Variants in GALNT13 observed in about 807,000 individuals in gnomAD.
The protein encoded by GALNT13 is UDP-GalNAc:polypeptide N-acetylgalactosaminyltransferase 13.
GALNT13 carries 28 observed loss-of-function variants against 64.2 expected under a neutral mutation model. The ratio of observed to expected loss-of-function variants is 0.44; its 90% CI spans 0.32 to 0.60. The LOEUF is 0.60. GALNT13 is among the 20% of genes least tolerant of loss of function. GALNT13 has a pLI of 0.05. For missense variants in GALNT13, 577 were observed against 669.8 expected (o/e 0.86, Z 1.53); for synonymous variants, 214 against 224.6 (o/e 0.95, Z 0.42).
the GALNT13 span, among the ~76,000 whole-genome samples, chr2:153,341,742 T>C: frequency 3.9e-5 from 6 of 152,186 alleles, no homozygotes; most frequent in East Asian, 1.9e-4. Flanking sequence ...TGTGCTATAA[T>C]ACTGACAGGA....
chr2:153,904,249 G>C (rs1298294876), intron 2 of GALNT13, among the ~76,000 whole-genome samples: 1 of 151,664 alleles, frequency 6.6e-6, no homozygotes, highest in Non-Finnish European at 1.5e-5. Flanking sequence ...GCTCTTTCTA[G>C]GTTTGGGCCA....
chr2:153,083,964 A>G, the GALNT13 span, among the ~76,000 whole-genome samples: 3 of 152,162 alleles, frequency 2.0e-5, no homozygotes, highest in Non-Finnish European at 4.4e-5. Context: ...TGGCTTGCCA[A>G]TTATCCCAGC....
chr2:154,371,842 C>A (rs1479152821), intron 9 of GALNT13, among the ~76,000 whole-genome samples: 1 of 150,038 alleles, frequency 6.7e-6, no homozygotes, highest in Non-Finnish European at 1.5e-5. Flanking sequence ...GGAGGTAAGT[C>A]AACATACACA....
Position 154,134,343 on chromosome 2 carries a change from G to A in GALNT13, c.143-5994G>A, listed in dbSNP as rs1364536. On this transcript the variant is annotated intron_variant, in intron 3 of 12. Transcript: ENST00000392825. The stretch of plus-strand genomic sequence containing the variant: ...TGAACAAGGATTATTTGAGTGATCA[G>A]AGGTTGAAGGAACTTTCTGGCAAAA... Among the ~76,000 whole-genome samples the A allele has an allele frequency of 7.8e-3, 1,189 of 152,300 alleles. 11 individuals are homozygous for A. The highest frequency in any genetic ancestry group is 0.026 in the African/African-American group (1,100 of 41,572).
At chr2:153,916,573 G>GT (rs1437538270) in intron 2 of GALNT13, among the ~76,000 whole-genome samples, 1 of 152,016 alleles carries the variant, frequency 6.6e-6, no homozygotes. Flanking sequence ...CTTGAGCAAG[G>GT]TTTTTATTTG....
chr2:153,866,429 T>A, the GALNT13 span, among the ~76,000 whole-genome samples: 2 of 151,876 alleles, frequency 1.3e-5, no homozygotes, highest in African/African-American at 2.4e-5. Flanking sequence ...AATAAATCTA[T>A]TTTTTTTGCT....
intron 2 of GALNT13, among the ~76,000 whole-genome samples, chr2:153,909,076 T>A (rs1259853901): frequency 1.3e-5 from 2 of 152,074 alleles, no homozygotes; most frequent in Non-Finnish European, 2.9e-5. Context: ...CTCTGATTGC[T>A]TTGAGCAGTG....
chr2:153,382,768 T>C, the GALNT13 span, among the ~76,000 whole-genome samples: 1 of 152,132 alleles, frequency 6.6e-6, no homozygotes, highest in Admixed American at 6.6e-5. Flanking sequence ...GTATTTAAAC[T>C]GTTATATAAA....
At chr2:153,282,825 C>A in the GALNT13 span, among the ~76,000 whole-genome samples, 5 of 152,032 alleles carry the variant, frequency 3.3e-5, no homozygotes, top group African/African-American at 1.2e-4. Flanking sequence ...TTTTCTTTTT[C>A]TGTAGTATTA....
At chr2:153,977,329 A>T (rs779527066) in intron 3 of GALNT13, among the ~76,000 whole-genome samples, 1 of 152,208 alleles carries the variant, frequency 6.6e-6, no homozygotes, top group Non-Finnish European at 1.5e-5. Flanking sequence ...TGGACAATTT[A>T]TAAAGGAAAG....
chr2:153,525,379 A>G, the GALNT13 span, among the ~76,000 whole-genome samples: 1 of 152,102 alleles, frequency 6.6e-6, no homozygotes, highest in African/African-American at 2.4e-5. Flanking sequence ...GGAAAAATAA[A>G]GGGGACTTTG....
the GALNT13 span, among the ~76,000 whole-genome samples, chr2:153,232,753 A>G: frequency 2.6e-5 from 4 of 152,102 alleles, no homozygotes; most frequent in African/African-American, 7.2e-5. Flanking sequence ...CCAACAGTAC[A>G]TTGTCTTTCT....
intron 8 of GALNT13, among the ~76,000 whole-genome samples, chr2:154,289,731 C>A (rs1215631992): frequency 6.6e-6 from 1 of 152,162 alleles, no homozygotes; most frequent in Non-Finnish European, 1.5e-5. Flanking sequence ...ATGCTATTGC[C>A]TTGAGAGAGT....
the GALNT13 span, among the ~76,000 whole-genome samples, chr2:153,531,583 C>T: frequency 6.6e-6 from 1 of 152,174 alleles, no homozygotes; most frequent in Non-Finnish European, 1.5e-5. Context: ...AAAATACAAT[C>T]TTGCCTTCCC....
At chr2:154,063,248 C>A (rs1452731925) in intron 3 of GALNT13, among the ~76,000 whole-genome samples, 2 of 152,128 alleles carry the variant, frequency 1.3e-5, no homozygotes, top group South Asian at 2.1e-4. Flanking sequence ...CATCAAGGGT[C>A]TTCTGTATAG....
intron 8 of GALNT13, among the ~76,000 whole-genome samples, chr2:154,272,555 A>G (rs561430815): frequency 6.6e-6 from 1 of 152,254 alleles, no homozygotes; most frequent in African/African-American, 2.4e-5. Context: ...AAGGACTTAA[A>G]TTCAGCGGTT....
At chr2:153,822,169 G>A in the GALNT13 span, among the ~76,000 whole-genome samples, 2 of 152,104 alleles carry the variant, frequency 1.3e-5, no homozygotes, top group Non-Finnish European at 2.9e-5. Flanking sequence ...CGAAGAGCTG[G>A]TACCAATCCT....
the GALNT13 span, among the ~76,000 whole-genome samples, chr2:153,792,580 T>G: frequency 6.6e-6 from 1 of 152,210 alleles, no homozygotes; most frequent in East Asian, 1.9e-4. Context: ...CCTGCTTTTA[T>G]CACTTAAAAT....
chr2:153,922,906 T>G, intron 2 of GALNT13, among the ~76,000 whole-genome samples: 1 of 152,142 alleles, frequency 6.6e-6, no homozygotes, highest in East Asian at 1.9e-4. Flanking sequence ...ATTTTTAAAT[T>G]TTTTATTTTT....
Sources: allele counts gnomAD v4.1 joint callset (sites outside exome capture counted in the v4.1 genomes callset), GRCh38; gene constraint gnomAD v4.1.1; transcripts MANE v1.5; gene names NCBI Gene and HGNC (gene_info 2026-07-23, HGNC 2026-07-21).